The following CSMD1 variants were observed in gnomAD, a reference collection of about 807,000 sequenced individuals.
CSMD1 encodes CUB and Sushi multiple domains 1.
In CSMD1, 213 loss-of-function variants were observed where a neutral mutation model predicts 417.5. The ratio of observed to expected loss-of-function variants is 0.51; its 90% CI spans 0.46 to 0.57. The LOEUF (loss-of-function observed/expected upper bound fraction) is 0.57. CSMD1 is among the 20% of genes least tolerant of loss of function. CSMD1 has a pLI of 0.00. For missense variants in CSMD1, 6,923 were observed against 4,529.7 expected (o/e 1.53, Z -15.17); for synonymous variants, 2,862 against 1,736.8 (o/e 1.65, Z -16.11).
At chr8:4,088,186 T>A (rs535104122) in intron 3 of CSMD1, among the ~76,000 whole-genome samples, 25 of 152,214 alleles carry the variant, frequency 1.6e-4, no homozygotes, top group Admixed American at 4.6e-4. Context: ...TTGTTTTTAA[T>A]GCCCAATCCC....
intron 5 of CSMD1, among the ~76,000 whole-genome samples, chr8:3,797,923 T>A (rs1366939193): frequency 6.6e-6 from 1 of 152,046 alleles, no homozygotes; most frequent in African/African-American, 2.4e-5. Context: ...TTTGATATTG[T>A]CAAGTTTTGT....
At chr8:4,029,550 T>C (rs1050006979) in intron 4 of CSMD1, among the ~76,000 whole-genome samples, 4 of 152,106 alleles carry the variant, frequency 2.6e-5, no homozygotes, top group Non-Finnish European at 4.4e-5. Context: ...GCCTCCATGG[T>C]TCAATTACCT....
intron 49 of CSMD1, among the ~76,000 whole-genome samples, chr8:3,078,629 T>C (rs943350987): frequency 3.9e-5 from 6 of 152,166 alleles, no homozygotes; most frequent in Non-Finnish European, 7.3e-5. Context: ...TCGTTTTTAA[T>C]TGTGAAAAAC....
chr8:3,789,735 T>TA (rs1799629552), intron 5 of CSMD1, among the ~76,000 whole-genome samples: 2 of 146,462 alleles, frequency 1.4e-5, no homozygotes, highest in Admixed American at 6.9e-5. Context: ...AATTTTTTTT[T>TA]TTTTTTTTTT....
chr8:4,727,009 C>T (rs112263491), intron 1 of CSMD1, among the ~76,000 whole-genome samples: 14 of 152,070 alleles, frequency 9.2e-5, no homozygotes, highest in Non-Finnish European at 1.6e-4. Context: ...ATATGTCATA[C>T]TGGAATACCA....
chr8:3,486,695 G>A lies in CSMD1; in HGVS notation c.1448+6928C>T, dbSNP rs1250773010. On this transcript the variant is annotated intron_variant, in intron 11 of 69. Transcript: ENST00000635120. ...TGCCCTCGGGCTCCGATTCCTGTGG[G>A]ACCTATGGCTTCTTCTTCCCTGTAG... Among the ~76,000 whole-genome samples, 3 of 152,192 alleles carry A rather than the reference G, an allele frequency of 2.0e-5. No individual in the cohort carries two copies. In the South Asian group the frequency reaches 6.2e-4, roughly 32 times the overall value.
At chr8:4,663,169 C>G (rs1376661935) in intron 1 of CSMD1, among the ~76,000 whole-genome samples, 1 of 152,166 alleles carries the variant, frequency 6.6e-6, no homozygotes, top group East Asian at 1.9e-4. Flanking sequence ...CCCACTGGAT[C>G]AGCTGGGAAG....
intron 3 of CSMD1, among the ~76,000 whole-genome samples, chr8:4,197,927 T>A (rs1405027274): frequency 1.3e-5 from 2 of 152,210 alleles, no homozygotes; most frequent in Admixed American, 6.5e-5. Flanking sequence ...TTCATTCATT[T>A]AGTAATTCTG....
intron 1 of CSMD1, among the ~76,000 whole-genome samples, chr8:4,752,450 T>C (rs1563294016): frequency 6.6e-6 from 1 of 152,198 alleles, no homozygotes; most frequent in Non-Finnish European, 1.5e-5. Flanking sequence ...AAACCTTAGG[T>C]ACTACCTCGG....
intron 26 of CSMD1, among the ~76,000 whole-genome samples, chr8:3,235,570 A>C (rs1047236404): frequency 6.6e-6 from 1 of 152,118 alleles, no homozygotes; most frequent in Non-Finnish European, 1.5e-5. Context: ...ACAGTAAAAA[A>C]CTTCTAAAAA....
intron 2 of CSMD1, among the ~76,000 whole-genome samples, chr8:4,461,014 A>C (rs1799782210): frequency 6.6e-6 from 1 of 152,204 alleles, no homozygotes; most frequent in Non-Finnish European, 1.5e-5. Flanking sequence ...AAATGCTCAA[A>C]ACAAATCAAG....
At chr8:3,365,849 A>C (rs1221983404) in intron 20 of CSMD1, among the ~76,000 whole-genome samples, 1 of 152,206 alleles carries the variant, frequency 6.6e-6, no homozygotes, top group East Asian at 1.9e-4. Flanking sequence ...CGATCCCCGC[A>C]CAGTGGAACA....
At chr8:3,052,195 C>A (rs928241198) in intron 50 of CSMD1, among the ~76,000 whole-genome samples, 16 of 152,162 alleles carry the variant, frequency 1.1e-4, no homozygotes, top group African/African-American at 3.6e-4. Flanking sequence ...AATGGCAGCA[C>A]AGAATAGGAT....
At chr8:4,803,431 T>A (rs1406112713) in intron 1 of CSMD1, among the ~76,000 whole-genome samples, 2 of 152,178 alleles carry the variant, frequency 1.3e-5, no homozygotes, top group African/African-American at 4.8e-5. Context: ...CTTGTCTCTT[T>A]TATAGGAAGG....
rs1585083493 is a variant in CSMD1 at position 2,977,960 on chromosome 8, A to C, written c.8566+652T>G. On this transcript the variant is annotated intron_variant, in intron 55 of 69. Transcript: ENST00000635120. ...GCGAGGCTGTGGAGAAATAGGAATG[A>C]TTTTACACTGTTGGTGGAATGTAAA... Among the ~76,000 whole-genome samples, 4 of 152,276 alleles carry C rather than the reference A, an allele frequency of 2.6e-5. No individual in the cohort carries two copies. The East Asian group carries it at 7.7e-4, about 29-fold the overall frequency.
chr8:3,904,296 C>A (rs1488310503), intron 5 of CSMD1, among the ~76,000 whole-genome samples: 1 of 152,134 alleles, frequency 6.6e-6, no homozygotes, highest in African/African-American at 2.4e-5. Context: ...CTGGAGGACA[C>A]CCCTTTCTTT....
chr8:3,020,661 C>G (rs1363976597), intron 51 of CSMD1, among the ~76,000 whole-genome samples: 34 of 152,130 alleles, frequency 2.2e-4, no homozygotes, highest in Admixed American at 2.2e-3. Flanking sequence ...TTTAATTAAG[C>G]TGTCTTTACT....
intron 5 of CSMD1, among the ~76,000 whole-genome samples, chr8:3,970,149 T>C (rs73658513): frequency 0.017 from 2,565 of 152,278 alleles, 67 homozygotes; most frequent in African/African-American, 0.058. Context: ...AATAATCATT[T>C]TATGTGACAT....
chr8:4,358,879 C>A (rs10503257), intron 3 of CSMD1, among the ~76,000 whole-genome samples: 31,277 of 151,892 alleles, frequency 0.21, 3,415 homozygotes, highest in Admixed American at 0.27. Flanking sequence ...CCAATAATCA[C>A]CATAAACCTA....
Sources: allele counts gnomAD v4.1 joint callset (sites outside exome capture counted in the v4.1 genomes callset), GRCh38; gene constraint gnomAD v4.1.1; transcripts MANE v1.5; gene names NCBI Gene and HGNC (gene_info 2026-07-23, HGNC 2026-07-21).